The following CPVL variants were observed in gnomAD, a reference collection of about 807,000 sequenced individuals.
CPVL encodes carboxypeptidase vitellogenic like, also known as probable serine carboxypeptidase CPVL.
A neutral mutation model predicts 63.7 loss-of-function variants in CPVL; 51 were observed. That is an observed-to-expected ratio of 0.80 (90% confidence interval 0.64 to 1.01). The LOEUF is 1.01. CPVL is among the 50% of genes least tolerant of loss of function. The probability of loss-of-function intolerance (pLI) is 0.00; values close to 1 mark genes in which losing one functional copy is unlikely to be tolerated. For missense variants in CPVL, 530 were observed against 573.1 expected, an observed-to-expected ratio of 0.92 and a Z score of 0.77; for synonymous variants, 195 against 206.0, an observed-to-expected ratio of 0.95 and a Z score of 0.46.
intron 5 of CPVL, among the ~76,000 whole-genome samples, chr7:29,153,063 C>A (rs1793827556): frequency 6.6e-6 from 1 of 152,178 alleles, no homozygotes; most frequent in Non-Finnish European, 1.5e-5. Context: ...CTCTACACCA[C>A]CATGTTGTAG....
chr7:29,189,360 G>A (rs1799119466), intron 1 of CPVL, among the ~76,000 whole-genome samples: 1 of 152,074 alleles, frequency 6.6e-6, no homozygotes. Context: ...AAATGAACAG[G>A]TAGTAGAGAA....
At chr7:29,180,272 T>C (rs1214255759) in intron 5 of CPVL, among the ~76,000 whole-genome samples, 1 of 152,194 alleles carries the variant, frequency 6.6e-6, no homozygotes, top group Non-Finnish European at 1.5e-5. Context: ...ACGCCTGTAA[T>C]CCCAGCACTT....
rs76303279 is a variant in CPVL at position 29,064,381 on chromosome 7, C to T, written c.964-147G>A. The stretch of plus-strand genomic sequence containing the variant: ...TGTCGCCATTCTTGAAATTTTAACT[C>T]GGAGGTTTTGAGATAATTTAGGTGG... On this transcript the variant is annotated intron_variant, in intron 10 of 12. Coordinates refer to ENST00000265394, the MANE Select transcript of CPVL (RefSeq NM_031311.5). The T allele has an allele frequency of 6.3e-3, 3,159 of 502,524 alleles. 19 individuals carry two copies. The highest frequency in any genetic ancestry group is 0.012 in the Middle Eastern group (25 of 2,020). 31.1% of individuals were successfully genotyped at this position (502,524 alleles called of 1,614,324 possible).
upstream of CPVL, chr7:29,146,628 C>T: frequency 1.9e-6 from 3 of 1,550,578 alleles, no homozygotes; most frequent in Non-Finnish European, 8.7e-7. Context: ...CGTGTCCCAA[C>T]CTCCTGGTCC....
chr7:29,149,848 G>A (rs1793348292), upstream of CPVL, among the ~76,000 whole-genome samples: 1 of 152,132 alleles, frequency 6.6e-6, no homozygotes, highest in Non-Finnish European at 1.5e-5. Context: ...GTCTGTCTCT[G>A]TGTCCCAATT....
intron 12 of CPVL, among the ~76,000 whole-genome samples, chr7:29,017,608 G>C (rs973643682): frequency 6.6e-6 from 1 of 152,142 alleles, no homozygotes; most frequent in African/African-American, 2.4e-5. Context: ...ATTCCAGCCT[G>C]GGCAACACAG....
chr7:29,172,454 C>A (rs1045195517), intron 5 of CPVL, among the ~76,000 whole-genome samples: 1 of 152,084 alleles, frequency 6.6e-6, no homozygotes, highest in Non-Finnish European at 1.5e-5. Context: ...ATATTGCCAC[C>A]CATTTATCAT....
chr7:29,140,774 A>G (rs1248602676), intron 1 of CPVL, among the ~76,000 whole-genome samples: 1 of 152,188 alleles, frequency 6.6e-6, no homozygotes, highest in Non-Finnish European at 1.5e-5. Context: ...AATAAGAAAA[A>G]AGCAAAAAGT....
At chr7:29,089,987 C>T (rs1785608233) in intron 6 of CPVL, among the ~76,000 whole-genome samples, 1 of 152,078 alleles carries the variant, frequency 6.6e-6, no homozygotes. Context: ...CTCAGCCTCC[C>T]AAGTAGCTGG....
At position 29,146,389 on chromosome 7, in the gene CPVL, G is replaced by A. The variant is rs149094510; in HGVS notation, c.-11+40C>T. The A allele has an allele frequency of 1.6e-3, 1,261 of 774,288 alleles. 13 individuals carry two copies. In the African/African-American group the frequency reaches 0.02, roughly 12 times the overall value. 48.0% of individuals were successfully genotyped at this position (774,288 alleles called of 1,614,324 possible). On this transcript the variant is annotated intron_variant, in intron 1 of 12. Transcript: ENST00000265394. ...AGGGACCGAGGCGAGGACCTGTCCCGCTGAGCTGGCACGACCCACGCAGGG... is the reference window on the plus strand; with the variant it reads ...AGGGACCGAGGCGAGGACCTGTCCCACTGAGCTGGCACGACCCACGCAGGG...
At chr7:29,049,663 T>C (rs917311029) in intron 11 of CPVL, among the ~76,000 whole-genome samples, 1 of 152,150 alleles carries the variant, frequency 6.6e-6, no homozygotes, top group Non-Finnish European at 1.5e-5. Context: ...TAATCCATTC[T>C]AGGAAACCAG....
At chr7:29,064,355 T>A in intron 10 of CPVL, 121 bp from the exon 11 acceptor site, 1 of 542,752 alleles carries the variant, frequency 1.8e-6, no homozygotes, top group South Asian at 3.7e-5. Context: ...GACTATTAAC[T>A]TGTCGCCATT....
intron 1 of CPVL, among the ~76,000 whole-genome samples, chr7:29,189,826 CA>C (rs1369741395): frequency 6.6e-6 from 1 of 152,170 alleles, no homozygotes; most frequent in African/African-American, 2.4e-5. Flanking sequence ...GCAATACCCC[CA>C]AGCCCCCCTG....
intron 5 of CPVL, among the ~76,000 whole-genome samples, chr7:29,177,989 AC>A (rs1248520152): frequency 6.6e-6 from 1 of 152,022 alleles, no homozygotes; most frequent in African/African-American, 2.4e-5. Flanking sequence ...AAGTGGCACC[AC>A]CAGCCATTTA....
At chr7:29,090,944 G>C (rs1785709482) in intron 6 of CPVL, among the ~76,000 whole-genome samples, 1 of 152,176 alleles carries the variant, frequency 6.6e-6, no homozygotes, top group African/African-American at 2.4e-5. Flanking sequence ...ACCTGTAGTA[G>C]CCCATTTGCA....
intron 2 of CPVL, among the ~76,000 whole-genome samples, chr7:29,116,707 A>G (rs1211515363): frequency 1.3e-5 from 2 of 152,228 alleles, no homozygotes; most frequent in East Asian, 1.9e-4. Flanking sequence ...AATAGTCTTT[A>G]AAGTGTGAAA....
chr7:29,064,286 C>T, intron 10 of CPVL, 52 bp from the exon 11 acceptor site: 1 of 1,173,706 alleles, frequency 8.5e-7, no homozygotes, highest in Non-Finnish European at 1.2e-6. Context: ...GTGGCAGGAA[C>T]AGTATGTTGG....
At chr7:29,147,069 TG>T (rs563210090), upstream of CPVL, 5,542 of 1,444,640 alleles carry the variant, frequency 3.8e-3, 17 homozygotes, top group Non-Finnish European at 4.5e-3. Flanking sequence ...ATTTTGCAAT[TG>T]GGGGACACAA....
At chr7:29,043,735 C>T (rs1317974428) in intron 11 of CPVL, among the ~76,000 whole-genome samples, 1 of 152,134 alleles carries the variant, frequency 6.6e-6, no homozygotes, top group Non-Finnish European at 1.5e-5. Flanking sequence ...TGACTCATGG[C>T]AGGAGTGTGG....
Sources: gnomAD v4.1 joint callset for allele counts (sites outside exome capture counted in the v4.1 genomes callset) on GRCh38, gnomAD v4.1.1 for gene constraint, MANE v1.5 for transcripts, NCBI Gene and HGNC (gene_info 2026-07-23, HGNC 2026-07-21) for gene names.